The following NDUFAF2 variants were observed in gnomAD, a reference collection of about 807,000 sequenced individuals.
The protein encoded by NDUFAF2 is NADH:ubiquinone oxidoreductase complex assembly factor 2.
NDUFAF2 carries 13 observed loss-of-function variants against 22.8 expected under a neutral mutation model. The observed-to-expected ratio is 0.57, with a 90% CI of 0.37 to 0.91. NDUFAF2 has a LOEUF of 0.91. Ranked by LOEUF, NDUFAF2 falls within the 40% of genes least tolerant of loss-of-function variation. The pLI is 0.01. For synonymous variants in NDUFAF2, 53 were observed against 64.2 expected (o/e 0.83, Z 0.84); for missense variants, 162 against 195.2 (o/e 0.83, Z 1.01).
chr5:61,048,035 T>G (rs564225660), intron 1 of NDUFAF2, among the ~76,000 whole-genome samples: 1 of 152,328 alleles, frequency 6.6e-6, no homozygotes, highest in East Asian at 1.9e-4. Context: ...TCTTTTCGCA[T>G]TTCCCTCTCA....
intron 1 of NDUFAF2, among the ~76,000 whole-genome samples, chr5:60,974,605 G>T (rs537062349): frequency 1.3e-5 from 2 of 151,966 alleles, no homozygotes; most frequent in Non-Finnish European, 2.9e-5. Flanking sequence ...CACCCTCCTC[G>T]CATCCCAAAG....
intron 1 of NDUFAF2, among the ~76,000 whole-genome samples, chr5:60,990,959 G>A (rs1295093053): frequency 7.2e-5 from 11 of 151,976 alleles, no homozygotes; most frequent in Non-Finnish European, 1.6e-4. Flanking sequence ...AAGCTCCTAC[G>A]AACTCAGGCT....
chr5:61,118,049 A>T (rs911803811), intron 3 of NDUFAF2, among the ~76,000 whole-genome samples: 5 of 152,156 alleles, frequency 3.3e-5, no homozygotes, highest in Admixed American at 6.6e-5. Flanking sequence ...CTCTCTTTCT[A>T]TATGGAGTCC....
chr5:61,022,135 G>GA (rs1272771601), intron 1 of NDUFAF2, among the ~76,000 whole-genome samples: 3 of 152,132 alleles, frequency 2.0e-5, no homozygotes, highest in Non-Finnish European at 2.9e-5. Context: ...AGAAACATCT[G>GA]AATAACGTTT....
intron 1 of NDUFAF2, among the ~76,000 whole-genome samples, chr5:60,961,869 C>T (rs1750691258): frequency 6.6e-6 from 1 of 151,028 alleles, no homozygotes; most frequent in African/African-American, 2.4e-5. Context: ...GCTTTGGTAG[C>T]AGGATCGCTT....
chr5:61,116,697 A>G (rs1255713893), intron 3 of NDUFAF2: 1 of 152,190 alleles, frequency 6.6e-6, no homozygotes, highest in Admixed American at 6.5e-5. Flanking sequence ...AGTCTCATAG[A>G]ATTATCTCCT....
intron 1 of NDUFAF2, among the ~76,000 whole-genome samples, chr5:60,950,930 C>G (rs1021877931): frequency 6.6e-6 from 1 of 152,132 alleles, no homozygotes; most frequent in Non-Finnish European, 1.5e-5. Flanking sequence ...TAGTTGCTGT[C>G]ATATAGTATG....
intron 2 of NDUFAF2, among the ~76,000 whole-genome samples, chr5:61,076,131 C>T (rs546835658): frequency 3.4e-4 from 52 of 152,212 alleles, no homozygotes; most frequent in African/African-American, 1.1e-3. Flanking sequence ...AGTGCAGTGG[C>T]GCGATCTTGG....
chr5:61,093,615 A>G (rs1752599584), intron 2 of NDUFAF2, among the ~76,000 whole-genome samples: 1 of 152,168 alleles, frequency 6.6e-6, no homozygotes, highest in Non-Finnish European at 1.5e-5. Context: ...AGCCAACTTG[A>G]TTGTGGTGGA....
At chr5:60,996,033 TC>T (rs1389394089) in intron 1 of NDUFAF2, among the ~76,000 whole-genome samples, 1 of 152,094 alleles carries the variant, frequency 6.6e-6, no homozygotes, top group Non-Finnish European at 1.5e-5. Flanking sequence ...GACTCACCCT[TC>T]AGGACAGTGG....
intron 3 of NDUFAF2, among the ~76,000 whole-genome samples, chr5:61,123,192 G>T (rs1228753346): frequency 6.6e-6 from 1 of 151,946 alleles, no homozygotes; most frequent in Non-Finnish European, 1.5e-5. Flanking sequence ...TGGATTACTT[G>T]TTCAACATAA....
At chr5:61,027,554 G>A (rs553044877) in intron 1 of NDUFAF2, among the ~76,000 whole-genome samples, 1 of 151,910 alleles carries the variant, frequency 6.6e-6, no homozygotes, top group African/African-American at 2.4e-5. Context: ...AACAGATAAA[G>A]TTTGTAAGTA....
intron 1 of NDUFAF2, among the ~76,000 whole-genome samples, chr5:61,027,011 A>G (rs1201237367): frequency 6.6e-6 from 1 of 151,622 alleles, no homozygotes; most frequent in Non-Finnish European, 1.5e-5. Flanking sequence ...GAAAATTAGA[A>G]TTTTCACAAC....
At chr5:61,048,234 G>C (rs1751977707) in intron 1 of NDUFAF2, among the ~76,000 whole-genome samples, 1 of 152,016 alleles carries the variant, frequency 6.6e-6, no homozygotes, top group South Asian at 2.1e-4. Flanking sequence ...CCTTTGGATG[G>C]CTTTCACTGA....
chr5:61,043,796 A>G (rs1751913700), intron 1 of NDUFAF2, among the ~76,000 whole-genome samples: 1 of 151,882 alleles, frequency 6.6e-6, no homozygotes, highest in Admixed American at 6.6e-5. Flanking sequence ...TATCTTGGCT[A>G]TTGTGCTGCA....
rs550094582 is a variant in NDUFAF2 at position 61,045,111 on chromosome 5, TAATAA to T, written c.128-28002_128-27998del. Among the ~76,000 whole-genome samples the T allele has an allele frequency of 1.8e-3, 255 of 138,080 alleles. 5 individuals are homozygous for T. The highest frequency in any genetic ancestry group is 3.8e-3 in the Middle Eastern group (1 of 262). The allele number at this position is 138,080 out of a possible 152,430, so 90.6% of individuals were successfully genotyped here. A position where few individuals can be genotyped will look rare whatever the true frequency, so the allele number is the denominator to read the frequency against. The stretch of plus-strand genomic sequence containing the variant: ...AATAAAATAAAGTTTTATTAAAATT[TAATAA>T]AATAAAATAAAGTTTTATTAAATTT... On this transcript the variant is annotated intron_variant, in intron 1 of 3. Coordinates refer to ENST00000296597, the MANE Select transcript of NDUFAF2 (RefSeq NM_174889.5).
At chr5:61,142,567 C>T (rs187332135) in intron 3 of NDUFAF2, among the ~76,000 whole-genome samples, 2 of 152,286 alleles carry the variant, frequency 1.3e-5, no homozygotes, top group Admixed American at 1.3e-4. Context: ...TGTAATTGAT[C>T]AAAGGATGTT....
At chr5:61,137,200 A>G (rs921100301) in intron 3 of NDUFAF2, among the ~76,000 whole-genome samples, 3 of 152,056 alleles carry the variant, frequency 2.0e-5, no homozygotes, top group Non-Finnish European at 2.9e-5. Flanking sequence ...TCTCTGGACA[A>G]TCTCATCCTT....
intron 1 of NDUFAF2, among the ~76,000 whole-genome samples, chr5:60,996,366 G>T (rs1392729000): frequency 6.6e-6 from 1 of 152,138 alleles, no homozygotes; most frequent in South Asian, 2.1e-4. Context: ...ACAGGTGCCT[G>T]ACAACTCTGA....
Sources: gnomAD v4.1 joint callset for allele counts (sites outside exome capture counted in the v4.1 genomes callset) on GRCh38, gnomAD v4.1.1 for gene constraint, MANE v1.5 for transcripts, NCBI Gene and HGNC (gene_info 2026-07-23, HGNC 2026-07-21) for gene names.